The following ARHGAP15 variants were observed in gnomAD, a reference collection of about 807,000 sequenced individuals.
ARHGAP15 encodes rho GTPase-activating protein 15.
In ARHGAP15, 51 loss-of-function variants were observed where a neutral mutation model predicts 63.7. The observed-to-expected ratio is 0.80, with a 90% CI of 0.64 to 1.01. The LOEUF (loss-of-function observed/expected upper bound fraction) is 1.01. Ranked by LOEUF, ARHGAP15 falls within the 50% of genes least tolerant of loss-of-function variation. ARHGAP15 has a pLI of 0.00. For missense variants in ARHGAP15, 560 were observed against 564.6 expected (o/e 0.99, Z 0.08); for synonymous variants, 191 against 193.8 (o/e 0.99, Z 0.12).
rs576867565 is a variant in ARHGAP15 at position 143,766,192 on chromosome 2, G to A, written c.1245-1797G>A. 3.9e-5 allele frequency among the ~76,000 whole-genome samples: 6 copies of A among 152,226 alleles called. No homozygotes were observed. The East Asian group carries it at 5.8e-4, about 15-fold the overall frequency. ...CCTTATCTGTGGTTTCACTTTCCAC[G>A]GTTTCAGTTATCCAAAGTCAACCAT... is the stretch of plus-strand genomic sequence containing the variant. On this transcript the variant is annotated intron_variant, in intron 13 of 13. Transcript: ENST00000295095.
At chr2:143,159,524 T>C (rs1292633233) in intron 2 of ARHGAP15, among the ~76,000 whole-genome samples, 1 of 151,912 alleles carries the variant, frequency 6.6e-6, no homozygotes, top group Non-Finnish European at 1.5e-5. Flanking sequence ...CTAAATCACA[T>C]TGAATTGATA....
intron 6 of ARHGAP15, among the ~76,000 whole-genome samples, chr2:143,336,996 A>G (rs544155355): frequency 1.3e-5 from 2 of 152,226 alleles, no homozygotes; most frequent in Admixed American, 1.3e-4. Flanking sequence ...TGAAGCTGCC[A>G]ATGTGCAGTG....
At chr2:143,466,920 C>T (rs1691242223) in intron 8 of ARHGAP15, among the ~76,000 whole-genome samples, 3 of 152,022 alleles carry the variant, frequency 2.0e-5, no homozygotes, top group Admixed American at 2.0e-4. Context: ...ATTCCAAACA[C>T]AAAAATGAGT....
At position 143,230,445 on chromosome 2, in the gene ARHGAP15, A is replaced by G. The variant is rs79781181; in HGVS notation, c.384+1777A>G. Among the ~76,000 whole-genome samples the G allele has an allele frequency of 6.6e-3, 1,009 of 152,332 alleles. 6 individuals carry two copies. The highest frequency in any genetic ancestry group is 1.0e-2 in the Non-Finnish European group (679 of 68,044). On this transcript the variant is annotated intron_variant, in intron 5 of 13. Transcript: ENST00000295095. ...ATTGCATGCCTCTCGTTCAACCTTC[A>G]GAACTGTTGTAAGTTGACAATAGAC...
At chr2:143,599,798 T>G (rs1697691927) in intron 11 of ARHGAP15, among the ~76,000 whole-genome samples, 1 of 152,172 alleles carries the variant, frequency 6.6e-6, no homozygotes, top group Non-Finnish European at 1.5e-5. Context: ...TCTCTAATTT[T>G]GTTTTCAGTT....
At chr2:143,582,159 C>T (rs1696931649) in intron 11 of ARHGAP15, among the ~76,000 whole-genome samples, 2 of 152,066 alleles carry the variant, frequency 1.3e-5, no homozygotes, top group Admixed American at 1.3e-4. Context: ...TGCTGTCCTG[C>T]AAGGCAATGG....
At chr2:143,407,902 G>GA (rs1420194827) in intron 6 of ARHGAP15, among the ~76,000 whole-genome samples, 3 of 145,220 alleles carry the variant, frequency 2.1e-5, no homozygotes, top group East Asian at 4.0e-4. Context: ...AGTTTTCCTA[G>GA]AAAAAATTGT....
At chr2:143,470,639 ATATG>A (rs1247521337) in intron 8 of ARHGAP15, among the ~76,000 whole-genome samples, 2 of 138,242 alleles carry the variant, frequency 1.4e-5, no homozygotes, top group South Asian at 2.4e-4. Flanking sequence ...ATGTGTGTAT[ATATG>A]TGTGTGTATA....
chr2:143,395,361 CT>C (rs1291968614), intron 6 of ARHGAP15, among the ~76,000 whole-genome samples: 2 of 152,062 alleles, frequency 1.3e-5, no homozygotes, highest in African/African-American at 4.8e-5. Context: ...TGACCTAGAA[CT>C]AAGAATTCTC....
chr2:143,462,017 G>A (rs1690967320), intron 8 of ARHGAP15, among the ~76,000 whole-genome samples: 1 of 152,070 alleles, frequency 6.6e-6, no homozygotes. Flanking sequence ...GCCGGGAATG[G>A]TGGTGCGCAG....
chr2:143,468,663 A>AGTGTGTGTGTGTGTGT (rs70982870), intron 8 of ARHGAP15, among the ~76,000 whole-genome samples: 1 of 136,238 alleles, frequency 7.3e-6, no homozygotes, highest in African/African-American at 2.7e-5. Flanking sequence ...AGAGAGAGAG[A>AGTGTGTGTGTGTGTGT]GTGTGTGTGT....
chr2:143,333,180 A>T (rs1429444788), intron 6 of ARHGAP15, among the ~76,000 whole-genome samples: 3 of 152,150 alleles, frequency 2.0e-5, no homozygotes, highest in Admixed American at 2.0e-4. Context: ...AAAAATTCCA[A>T]ATGTGATTAG....
rs1475391716 is a variant in ARHGAP15, at chr2:143,768,054, C to T, written c.1310C>T (p.Thr437Ile). The T allele has an allele frequency of 1.2e-6, 2 of 1,613,766 alleles. No individual in the cohort carries two copies. The highest frequency in any genetic ancestry group is 8.5e-7 in the Non-Finnish European group (1 of 1,179,764). ...TQSLGIVFGP[T>I]LLRAENETGN... Reference sequence around the variant, plus strand: ...AGCTTGGGGATTGTATTTGGACCTACCCTTCTGCGAGCTGAAAATGAAACA... The same window carrying T: ...AGCTTGGGGATTGTATTTGGACCTATCCTTCTGCGAGCTGAAAATGAAACA... Residue 437 changes from threonine to isoleucine, a missense_variant, in exon 14 of 14, where the codon ACC (threonine) becomes ATC (isoleucine). Transcript: ENST00000295095.
intron 6 of ARHGAP15, among the ~76,000 whole-genome samples, chr2:143,356,276 G>T (rs530776994): frequency 2.0e-5 from 3 of 152,192 alleles, no homozygotes; most frequent in Non-Finnish European, 4.4e-5. Flanking sequence ...GTGGAATGTT[G>T]TACACACTGC....
intron 2 of ARHGAP15, among the ~76,000 whole-genome samples, chr2:143,186,092 G>T (rs1256677108): frequency 6.6e-6 from 1 of 151,992 alleles, no homozygotes; most frequent in Non-Finnish European, 1.5e-5. Context: ...TCTTCTTATT[G>T]CTGCTGAGTT....
At chr2:143,752,103 G>A (rs926330471) in intron 13 of ARHGAP15, among the ~76,000 whole-genome samples, 23 of 152,014 alleles carry the variant, frequency 1.5e-4, no homozygotes, top group African/African-American at 5.6e-4. Flanking sequence ...GGCCCCCTTG[G>A]CTGCCCCTCA....
At chr2:143,396,507 T>C (rs1441606964) in intron 6 of ARHGAP15, among the ~76,000 whole-genome samples, 1 of 152,060 alleles carries the variant, frequency 6.6e-6, no homozygotes, top group Non-Finnish European at 1.5e-5. Context: ...TTAATGATGC[T>C]ATGACAGACC....
intron 5 of ARHGAP15, among the ~76,000 whole-genome samples, chr2:143,238,915 C>G (rs1188883499): frequency 6.6e-6 from 1 of 152,096 alleles, no homozygotes; most frequent in Non-Finnish European, 1.5e-5. Flanking sequence ...GAGTGGAAAT[C>G]ATTATCCTTA....
At chr2:143,489,873 A>G (rs958851121) in intron 9 of ARHGAP15, among the ~76,000 whole-genome samples, 1 of 152,216 alleles carries the variant, frequency 6.6e-6, no homozygotes, top group Non-Finnish European at 1.5e-5. Flanking sequence ...CCAGATCGGC[A>G]CAAAAGGCCT....
Sources: allele counts gnomAD v4.1 joint callset (sites outside exome capture counted in the v4.1 genomes callset), GRCh38; gene constraint gnomAD v4.1.1; transcripts MANE v1.5; gene names NCBI Gene and HGNC (gene_info 2026-07-23, HGNC 2026-07-21).